PDE3B: variants seen among roughly 807,000 people sequenced by gnomAD.
PDE3B encodes the protein cGMP-inhibited 3',5'-cyclic phosphodiesterase 3B.
PDE3B carries 66 observed loss-of-function variants against 116.8 expected under a neutral mutation model. That is an observed-to-expected ratio of 0.56 (90% CI 0.46 to 0.69). PDE3B has a LOEUF of 0.69. Among genes scored for constraint, PDE3B ranks in the 30% least tolerant of loss-of-function variants. PDE3B has a pLI of 0.00. For synonymous variants in PDE3B, 595 were observed against 533.6 expected (o/e 1.12, Z -1.59); for missense variants, 1,384 against 1,368.1 (o/e 1.01, Z -0.18).
At chr11:14,771,889 C>G (rs1279921907) in intron 1 of PDE3B, 48 bp from the exon 2 acceptor site, 1 of 817,320 alleles carries the variant, frequency 1.2e-6, no homozygotes, top group African/African-American at 1.8e-5. Context: ...TTTACATATA[C>G]TTTTTTGTTT....
chr11:14,794,934 C>T (rs2133924729), intron 4 of PDE3B, among the ~76,000 whole-genome samples: 1 of 152,300 alleles, frequency 6.6e-6, no homozygotes, highest in South Asian at 2.1e-4. Context: ...AGTACAGGAG[C>T]TTCTGCCCCT....
At chr11:14,865,817 A>C (rs1445484530) in intron 14 of PDE3B, among the ~76,000 whole-genome samples, 3 of 152,176 alleles carry the variant, frequency 2.0e-5, no homozygotes, top group Non-Finnish European at 4.4e-5. Context: ...TGTTATCTTT[A>C]TATTATATGT....
chr11:14,646,056 T>G (rs72869716), intron 1 of PDE3B, among the ~76,000 whole-genome samples: 5,505 of 152,236 alleles, frequency 0.036, 168 homozygotes, highest in Non-Finnish European at 0.055. Flanking sequence ...TGATTAGATT[T>G]TTGAGTTTTC....
At chr11:14,767,017 T>C (rs1857515287) in intron 1 of PDE3B, among the ~76,000 whole-genome samples, 1 of 151,630 alleles carries the variant, frequency 6.6e-6, no homozygotes, top group Non-Finnish European at 1.5e-5. Context: ...ATCGTTTGTG[T>C]GGCTGAGAGT....
intron 1 of PDE3B, among the ~76,000 whole-genome samples, chr11:14,749,787 C>G (rs1330526941): frequency 6.7e-6 from 1 of 148,528 alleles, no homozygotes; most frequent in South Asian, 2.1e-4. Context: ...AAAAATAGAA[C>G]CAATAGGAGG....
At chr11:14,676,743 A>G (rs977869971) in intron 1 of PDE3B, among the ~76,000 whole-genome samples, 6 of 152,152 alleles carry the variant, frequency 3.9e-5, no homozygotes, top group Non-Finnish European at 1.5e-5. Context: ...GTCCTTTGCC[A>G]TATGTATGTG....
rs548587918 is a variant in PDE3B, at chr11:14,645,180, G to A, written c.978+127G>A. 5.3e-5 allele frequency: 22 copies of A among 412,454 alleles called. No individual in the cohort carries two copies. The East Asian group carries it at 6.4e-4, about 12-fold the overall frequency. 25.5% of individuals were successfully genotyped at this position (412,454 alleles called of 1,614,324 possible). On this transcript the variant is annotated intron_variant, in intron 1 of 15. Transcript: ENST00000282096. ...GAATGGAAAAAGGGTGTGTTGCGGG[G>A]GGGGGGGGGGAGGAAATAATGTTTT...
At chr11:14,802,004 G>A (rs1249082398) in intron 4 of PDE3B, among the ~76,000 whole-genome samples, 1 of 152,228 alleles carries the variant, frequency 6.6e-6, no homozygotes, top group Non-Finnish European at 1.5e-5. Context: ...ATCCCAGGTG[G>A]ATCTCAGACA....
intron 10 of PDE3B, among the ~76,000 whole-genome samples, 161 bp from the exon 11 acceptor site, chr11:14,834,821 T>A (rs2122941): frequency 0.65 from 98,946 of 152,130 alleles, 32,307 homozygotes; most frequent in Middle Eastern, 0.71. Context: ...TTAAAAGATA[T>A]TTTTTTTAAT....
At position 14,789,254 on chromosome 11, in the gene PDE3B, A is replaced by C; in HGVS notation, c.1415+12A>C. ...TTTGGCATTTCAAGGTAAAATCTGC[A>C]GAGCCTTTTAAGAAACTTGAATCAA... On this transcript the variant is annotated intron_variant, in intron 4 of 15. Transcript: ENST00000282096. 6.3e-7 allele frequency: 1 copy of C among 1,591,988 alleles called. No individual in the cohort carries two copies. Among genetic ancestry groups the C allele is most frequent in the Non-Finnish European group, 8.6e-7 (1 of 1,168,892 alleles).
At chr11:14,845,083 AC>A (rs1847567076) in intron 12 of PDE3B, among the ~76,000 whole-genome samples, 1 of 151,860 alleles carries the variant, frequency 6.6e-6, no homozygotes. Flanking sequence ...ACTGGGAGGC[AC>A]CCCCTAGTAG....
intron 12 of PDE3B, among the ~76,000 whole-genome samples, chr11:14,852,223 A>AT: frequency 6.6e-6 from 1 of 151,938 alleles, no homozygotes; most frequent in Admixed American, 6.5e-5. Flanking sequence ...TGCCCGGCTA[A>AT]TTTTTTATTT....
At chr11:14,728,205 G>T (rs1856366781) in intron 1 of PDE3B, among the ~76,000 whole-genome samples, 1 of 151,916 alleles carries the variant, frequency 6.6e-6, no homozygotes, top group South Asian at 2.1e-4. Context: ...TTCATTTCAG[G>T]TGGTTGGCTA....
intron 5 of PDE3B, among the ~76,000 whole-genome samples, chr11:14,804,976 G>A (rs1158863622): frequency 1.3e-5 from 2 of 151,944 alleles, no homozygotes; most frequent in Non-Finnish European, 2.9e-5. Context: ...CCAAACTGAA[G>A]CACAGAGAAG....
Position 14,644,097 on chromosome 11 carries a change from G to A in PDE3B, c.22G>A (p.Ala8Thr). 6.4e-7 allele frequency: 1 copy of A among 1,564,004 alleles called. No individual in the cohort carries two copies. Among genetic ancestry groups the A allele is most frequent in the East Asian group, 2.4e-5 (1 of 42,384 alleles). The change falls in exon 1 of 16, where the codon GCC (alanine) becomes ACC (threonine). Residue 8 changes from alanine (A) to threonine (T), a missense_variant. Physicochemically the swap from Ala to Thr is moderately conservative, Grantham distance 58. Transcript: ENST00000282096. Reference sequence around the variant, plus strand: ...AGCCATGAGGAGGGACGAGCGAGACGCCAAAGCCATGCGGTCCCTGCAGCC... The same window carrying A: ...AGCCATGAGGAGGGACGAGCGAGACACCAAAGCCATGCGGTCCCTGCAGCC... MRRDERD[A>T]KAMRSLQPPD...
intron 4 of PDE3B, among the ~76,000 whole-genome samples, chr11:14,793,490 A>T (rs994229491): frequency 5.3e-5 from 8 of 152,262 alleles, no homozygotes; most frequent in Non-Finnish European, 1.2e-4. Flanking sequence ...TATACTCAAG[A>T]AATTTTGAAT....
intron 1 of PDE3B, among the ~76,000 whole-genome samples, chr11:14,648,610 C>T (rs1853479758): frequency 6.6e-6 from 1 of 152,004 alleles, no homozygotes; most frequent in South Asian, 2.1e-4. Flanking sequence ...TGTACTCTGC[C>T]ATGAGTATTA....
intron 7 of PDE3B, among the ~76,000 whole-genome samples, chr11:14,828,368 G>A (rs762572432): frequency 6.6e-6 from 1 of 152,080 alleles, no homozygotes; most frequent in Non-Finnish European, 1.5e-5. Context: ...TAAACTATCA[G>A]CAGAGTAAAC....
At chr11:14,694,805 C>G (rs1484963615) in intron 1 of PDE3B, among the ~76,000 whole-genome samples, 1 of 152,098 alleles carries the variant, frequency 6.6e-6, no homozygotes, top group Admixed American at 6.6e-5. Flanking sequence ...AAGTTATAAT[C>G]CTCTATTAAA....
Sources: allele counts gnomAD v4.1 joint callset (sites outside exome capture counted in the v4.1 genomes callset), GRCh38; gene constraint gnomAD v4.1.1; transcripts MANE v1.5; gene names NCBI Gene and HGNC (gene_info 2026-07-23, HGNC 2026-07-21).